The following PARP2 variants were observed in gnomAD, a reference collection of about 807,000 sequenced individuals.
The protein encoded by PARP2 is poly [ADP-ribose] polymerase 2.
Under a neutral mutation model 77.8 loss-of-function variants are expected in PARP2, and 57 were observed. That is an observed-to-expected ratio of 0.73 (90% CI 0.59 to 0.91). PARP2 has a LOEUF of 0.91. PARP2 is among the 40% of genes least tolerant of loss of function. PARP2 has a pLI of 0.00. For missense variants in PARP2, 651 were observed against 689.0 expected, an observed-to-expected ratio of 0.94 and a Z score of 0.62; for synonymous variants, 226 against 242.6, an observed-to-expected ratio of 0.93 and a Z score of 0.64.
intron 1 of PARP2, among the ~76,000 whole-genome samples, chr14:20,344,581 G>C (rs973099977): frequency 6.6e-6 from 1 of 152,238 alleles, no homozygotes; most frequent in African/African-American, 2.4e-5. Context: ...GGGAGGCCGA[G>C]GAGGGCAGAT....
At chr14:20,353,534 C>T (rs1411781503) in intron 7 of PARP2, among the ~76,000 whole-genome samples, 4 of 152,144 alleles carry the variant, frequency 2.6e-5, no homozygotes, top group East Asian at 1.9e-4. Flanking sequence ...TGAGCCACTG[C>T]GGCTGGCACC....
At chr14:20,346,953 A>T in intron 4 of PARP2, 40 bp downstream of exon 4, 1 of 1,260,294 alleles carries the variant, frequency 7.9e-7, no homozygotes, top group Non-Finnish European at 1.2e-6. Flanking sequence ...TATTTATGAG[A>T]CCATCTTCTT....
intron 6 of PARP2, among the ~76,000 whole-genome samples, chr14:20,351,722 A>G (rs1883961109): frequency 7.1e-6 from 1 of 140,520 alleles, no homozygotes; most frequent in South Asian, 2.5e-4. Flanking sequence ...TGGGATAGAT[A>G]ATATTCAACT....
At chr14:20,346,780 C>CT (rs1883735096) in intron 3 of PARP2, 83 bp from the exon 4 acceptor site, 1 of 864,884 alleles carries the variant, frequency 1.2e-6, no homozygotes, top group African/African-American at 1.7e-5. Flanking sequence ...ATGACTTGAG[C>CT]CATAAGAAAA....
intron 8 of PARP2, 104 bp downstream of exon 8, chr14:20,354,351 T>A (rs1275314100): frequency 5.2e-6 from 5 of 963,986 alleles, no homozygotes; most frequent in Non-Finnish European, 7.8e-6. Context: ...TAGTACTGAA[T>A]GAAGAAAATG....
chr14:20,354,198 G>C lies in PARP2; in HGVS notation c.714G>C (p.Met238Ile). 1 of 1,613,878 alleles carries C rather than the reference G, an allele frequency of 6.2e-7. No homozygotes were observed. Among genetic ancestry groups the C allele is most frequent in the Non-Finnish European group, 8.5e-7 (1 of 1,179,770 alleles). The change falls in exon 8 of 16, where the codon ATG becomes ATC. Residue 238 changes from methionine to isoleucine, a missense_variant. Met to Ile is a conservative substitution (Grantham distance 10). Coordinates refer to ENST00000429687, the MANE Select transcript of PARP2 (RefSeq NM_001042618.2). The stretch of plus-strand genomic sequence containing the variant: ...AGTTGATCTGTAATGTTCAGGCCAT[G>C]GAAGAAATGATGATGGAAATGAAGT... ...LIKLICNVQA[M>I]EEMMMEMKYN...
At chr14:20,351,445 C>T (rs1012483966) in intron 6 of PARP2, among the ~76,000 whole-genome samples, 5 of 152,038 alleles carry the variant, frequency 3.3e-5, no homozygotes, top group Non-Finnish European at 5.9e-5. Context: ...TCCCAAAGTG[C>T]GGGATTACAG....
intron 3 of PARP2, 105 bp downstream of exon 3, chr14:20,345,569 C>G (rs956928044): frequency 1.3e-6 from 1 of 785,070 alleles, no homozygotes; most frequent in African/African-American, 1.7e-5. Context: ...TTTAGGAATC[C>G]TCTCCAAAAT....
chr14:20,345,185 C>T, intron 2 of PARP2, 98 bp downstream of exon 2: 1 of 1,368,038 alleles, frequency 7.3e-7, no homozygotes. Flanking sequence ...GTCCTTCTTT[C>T]AGGGAATAAT....
At position 20,350,565 on chromosome 14, in the gene PARP2, C is replaced by T. The variant is rs1452309320; in HGVS notation, c.364C>T (p.Gln122Ter). ...QFNNNKYYLI[Q>*]LLEDDAQRNF... is the part of the protein sequence containing the mutation. Reference sequence around the variant, plus strand: ...CAACAACAACAAGTACTATCTGATTCAGCTATTAGAAGATGATGCCCAGAG... The same window carrying T: ...CAACAACAACAAGTACTATCTGATTTAGCTATTAGAAGATGATGCCCAGAG... The change falls in exon 5 of 16, where the codon CAG (glutamine) becomes TAG (stop). Residue 122 changes from glutamine to a stop codon, truncating the protein, a stop_gained. Coordinates refer to ENST00000429687, the MANE Select transcript of PARP2 (RefSeq NM_001042618.2). LOFTEE classifies it high-confidence loss of function. The T allele has an allele frequency of 6.2e-7, 1 of 1,610,900 alleles. No homozygotes were observed. Among genetic ancestry groups the T allele is most frequent in the Admixed American group, 1.7e-5 (1 of 60,024 alleles).
rs778965285 is a variant in PARP2 at position 20,357,060 on chromosome 14, G to A, written c.1339G>A (p.Gly447Arg). The stretch of plus-strand genomic sequence containing the variant: ...CATGTATATATTTCAGTTTGGGAAA[G>A]GAATCTACTTTGCTGACATGTCTTC... ...APITGYMFGK[G>R]IYFADMSSKS... Residue 447 changes from glycine to arginine, a missense_variant, in exon 14 of 16, where the codon GGA (glycine) becomes AGA (arginine). Physicochemically the swap from Gly to Arg is moderately radical, Grantham distance 125 (BLOSUM62 -2). Coordinates refer to ENST00000429687, the MANE Select transcript of PARP2 (RefSeq NM_001042618.2). 6.2e-7 allele frequency: 1 copy of A among 1,607,582 alleles called. No individual in the cohort carries two copies. The highest frequency in any genetic ancestry group is 8.5e-7 in the Non-Finnish European group (1 of 1,174,006).
Position 20,357,488 on chromosome 14 carries a change from G to C in PARP2, c.1521G>C (p.Lys507Asn), listed in dbSNP as rs576656897. 1 of 1,613,484 alleles carries C rather than the reference G, an allele frequency of 6.2e-7. No homozygotes were observed. The highest frequency in any genetic ancestry group is 1.3e-5 in the African/African-American group (1 of 74,900). ...AACATAGCACCAAGGGGCTGGGCAA[G>C]ATGGCTCCCAGTTCTGCCCACTTCG... Reference protein sequence around the residue: ...QGKHSTKGLGKMAPSSAHFVT... With the variant: ...QGKHSTKGLGNMAPSSAHFVT... Residue 507 changes from lysine (K) to asparagine (N), a missense_variant, in exon 15 of 16, where the codon AAG becomes AAC. Lys to Asn is a moderately conservative substitution (Grantham distance 94, BLOSUM62 0). Coordinates refer to ENST00000429687, the MANE Select transcript of PARP2 (RefSeq NM_001042618.2).
chr14:20,345,581 T>C, intron 3 of PARP2, 117 bp downstream of exon 3: 2 of 702,696 alleles, frequency 2.8e-6, no homozygotes. Flanking sequence ...CTCCAAAATA[T>C]GATGAGTGAG....
intron 9 of PARP2, chr14:20,355,184 A>C (rs1274483394): frequency 2.4e-6 from 1 of 417,934 alleles, no homozygotes; most frequent in Non-Finnish European, 4.2e-6. Flanking sequence ...CCAACCCAAG[A>C]GAGAATGGGT....
chr14:20,346,780 C>T lies in PARP2; in HGVS notation c.274-83C>T, dbSNP rs1883734994. The T allele has an allele frequency of 5.8e-6, 5 of 865,004 alleles. No individual in the cohort carries two copies. The Admixed American group carries it at 8.6e-5, about 15-fold the overall frequency. The allele number at this position is 865,004 out of a possible 1,614,324, so 53.6% of individuals were successfully genotyped here. On this transcript the variant is annotated intron_variant, in intron 3 of 15. Coordinates refer to ENST00000429687, the MANE Select transcript of PARP2 (RefSeq NM_001042618.2). ...TGTTGCTGTAGAATGATGACTTGAG[C>T]CATAAGAAAATTTAGAGCCTCATTT...
intron 9 of PARP2, 156 bp from the exon 10 acceptor site, chr14:20,355,596 G>A: frequency 1.8e-6 from 1 of 545,578 alleles, no homozygotes; most frequent in Admixed American, 3.3e-5. Flanking sequence ...ATATTTGGAA[G>A]TTAAGATCTC....
At chr14:20,347,398 ATTTTTTTTTTTTTT>A (rs58569972) in intron 4 of PARP2, among the ~76,000 whole-genome samples, 1 of 6,886 alleles carries the variant, frequency 1.5e-4, no homozygotes, top group East Asian at 5.9e-3. Flanking sequence ...ATATATATAT[ATTTTTTTTTTTTTT>A]TTTTTTTTTT....
chr14:20,355,177 A>C lies in PARP2; in HGVS notation c.902+230A>C, dbSNP rs570949471. 1.2e-5 allele frequency: 5 copies of C among 429,564 alleles called. No individual in the cohort carries two copies. The East Asian group carries it at 1.9e-4, about 17-fold the overall frequency. 26.6% of individuals were successfully genotyped at this position (429,564 alleles called of 1,614,324 possible). On this transcript the variant is annotated intron_variant, in intron 9 of 15. Transcript: ENST00000429687. ...TTCTCTGACAAAGTGGAAGTTACCAACCCAAGAGAGAATGGGTCTAGCTAT... is the reference window on the plus strand; with the variant it reads ...TTCTCTGACAAAGTGGAAGTTACCACCCCAAGAGAGAATGGGTCTAGCTAT...
chr14:20,354,332 G>A (rs1277759788), intron 8 of PARP2, 85 bp downstream of exon 8: 2 of 1,155,224 alleles, frequency 1.7e-6, no homozygotes, highest in Non-Finnish European at 1.3e-6. Context: ...ATGATTTAAA[G>A]CTTGCTCATA....
Sources: allele counts gnomAD v4.1 joint callset (sites outside exome capture counted in the v4.1 genomes callset), GRCh38; gene constraint gnomAD v4.1.1; transcripts MANE v1.5; gene names NCBI Gene and HGNC (gene_info 2026-07-23, HGNC 2026-07-21).